Variants in EDDM3A observed in about 807,000 individuals in gnomAD.
EDDM3A encodes epididymal protein 3A, also known as epididymal secretory protein E3-alpha.
For missense variants in EDDM3A, 199 were observed against 177.4 expected, an observed-to-expected ratio of 1.12 and a Z score of -0.69; for synonymous variants, 75 against 60.4, an observed-to-expected ratio of 1.24 and a Z score of -1.12.
chr14:20,747,474 T>A, intron 1 of EDDM3A, 81 bp from the exon 2 acceptor site: 1 of 831,418 alleles, frequency 1.2e-6, no homozygotes, highest in Non-Finnish European at 1.9e-6. Flanking sequence ...AAGTACCTGC[T>A]TGGCAGGGAA....
At chr14:20,746,900 G>A (rs1877605403) in intron 1 of EDDM3A, among the ~76,000 whole-genome samples, 2 of 152,114 alleles carry the variant, frequency 1.3e-5, no homozygotes, top group Admixed American at 6.5e-5. Flanking sequence ...CGCTTAAAAT[G>A]TCATTTTTCT....
intron 1 of EDDM3A, among the ~76,000 whole-genome samples, chr14:20,747,280 G>A (rs1374070393): frequency 6.6e-6 from 1 of 151,944 alleles, no homozygotes; most frequent in Non-Finnish European, 1.5e-5. Flanking sequence ...TATTTTAGTA[G>A]AGATGGGGTT....
At position 20,747,845 on chromosome 14, in the gene EDDM3A, T is replaced by C; in HGVS notation, c.265T>C (p.Tyr89His). 6.2e-7 allele frequency: 1 copy of C among 1,614,160 alleles called. No individual in the cohort carries two copies. Among genetic ancestry groups the C allele is most frequent in the Non-Finnish European group, 8.5e-7 (1 of 1,180,032 alleles). The change falls in exon 2 of 2, where the codon TAT (tyrosine) becomes CAT (histidine). Residue 89 changes from tyrosine to histidine, a missense_variant. Transcript: ENST00000326842. ...ACINEKGSDR[Y>H]RNAYVWAPGA... Reference sequence around the variant, plus strand: ...CATCAATGAGAAGGGGAGCGACCGATATAGAAATGCATATGTATGGGCCCC... The same window carrying C: ...CATCAATGAGAAGGGGAGCGACCGACATAGAAATGCATATGTATGGGCCCC...
rs1042763 is a variant in EDDM3A at position 20,747,780 on chromosome 14, T to C, written c.200T>C (p.Met67Thr). ...GCTCTGAAAGGCAAGAGCTTTCATA[T>C]GTTCATCTATAGCTTATGGTTCAAA... ...KEALKGKSFH[M>T]FIYSLWFKIQ... The change falls in exon 2 of 2, where the codon ATG becomes ACG. Residue 67 changes from methionine to threonine, a missense_variant. Physicochemically the swap from Met to Thr is moderately conservative, Grantham distance 81. Transcript: ENST00000326842. 1 of 1,614,136 alleles carries C rather than the reference T, an allele frequency of 6.2e-7. No homozygotes were observed. The highest frequency in any genetic ancestry group is 8.5e-7 in the Non-Finnish European group (1 of 1,180,002).
At chr14:20,736,697 A>C in the EDDM3A span, among the ~76,000 whole-genome samples, 1 of 151,894 alleles carries the variant, frequency 6.6e-6, no homozygotes. Flanking sequence ...GGAGATGGGG[A>C]TTTCTTTTAT....
At position 20,747,785 on chromosome 14, in the gene EDDM3A, A is replaced by T. The variant is rs1230644603; in HGVS notation, c.205A>T (p.Ile69Phe). The change falls in exon 2 of 2, where the codon ATC (isoleucine) becomes TTC (phenylalanine). Residue 69 changes from isoleucine (I) to phenylalanine (F), a missense_variant. Physicochemically the swap from Ile to Phe is conservative, Grantham distance 21. Transcript: ENST00000326842. ...GAAAGGCAAGAGCTTTCATATGTTC[A>T]TCTATAGCTTATGGTTCAAAATTCA... ...ALKGKSFHMF[I>F]YSLWFKIQRA... 1 of 1,614,170 alleles carries T rather than the reference A, an allele frequency of 6.2e-7. No individual in the cohort carries two copies. Among genetic ancestry groups the T allele is most frequent in the East Asian group, 2.2e-5 (1 of 44,878 alleles).
At chr14:20,743,287 C>T (rs921125288), upstream of EDDM3A, among the ~76,000 whole-genome samples, 3 of 152,308 alleles carry the variant, frequency 2.0e-5, no homozygotes, top group South Asian at 2.1e-4. Context: ...CGGTGGCTCA[C>T]GCTTTTAATC....
the EDDM3A span, among the ~76,000 whole-genome samples, chr14:20,738,596 T>C: frequency 6.6e-6 from 1 of 152,144 alleles, no homozygotes; most frequent in South Asian, 2.1e-4. Context: ...CAAAATATAG[T>C]GTAAGGGAGG....
intron 1 of EDDM3A, 53 bp from the exon 2 acceptor site, chr14:20,747,502 G>A (rs1177670116): frequency 1.1e-5 from 13 of 1,167,686 alleles, no homozygotes; most frequent in African/African-American, 9.3e-5. Flanking sequence ...TTAAGGTGGA[G>A]CTCAGCTCTC....
At chr14:20,745,525 C>CAA (rs5807049), upstream of EDDM3A, among the ~76,000 whole-genome samples, 788 of 137,372 alleles carry the variant, frequency 5.7e-3, 5 homozygotes, top group African/African-American at 0.018. Context: ...GACTCCATCT[C>CAA]AAAAAAAAAA....
chr14:20,741,230 G>A (rs1375125745), upstream of EDDM3A, among the ~76,000 whole-genome samples: 2 of 152,196 alleles, frequency 1.3e-5, no homozygotes, highest in Non-Finnish European at 2.9e-5. Flanking sequence ...TTTCTGGACT[G>A]CATTTGGAAG....
chr14:20,738,483 A>AAATT, the EDDM3A span, among the ~76,000 whole-genome samples: 1 of 116,316 alleles, frequency 8.6e-6, no homozygotes, highest in Admixed American at 8.0e-5. Context: ...ATAAATAAAT[A>AAATT]AATAAATAAA....
chr14:20,736,658 G>A, the EDDM3A span, among the ~76,000 whole-genome samples: 1 of 152,070 alleles, frequency 6.6e-6, no homozygotes, highest in Non-Finnish European at 1.5e-5. Context: ...CATAACAAGT[G>A]CCCATCAACC....
the EDDM3A span, among the ~76,000 whole-genome samples, chr14:20,740,309 G>A: frequency 2.1e-4 from 32 of 152,216 alleles, no homozygotes; most frequent in African/African-American, 7.0e-4. Context: ...ATTTGTCCAT[G>A]GTTCGATACT....
the EDDM3A span, among the ~76,000 whole-genome samples, chr14:20,738,334 G>A: frequency 0.042 from 6,390 of 152,140 alleles, 190 homozygotes; most frequent in Middle Eastern, 0.092. Context: ...AGCCGGGCGT[G>A]GCGACATGTG....
rs186678774 is a variant in EDDM3A, at chr14:20,747,733, T to C, written c.153T>C (p.Asp51=). The C allele has an allele frequency of 1.2e-6, 2 of 1,614,184 alleles. No homozygotes were observed. The highest frequency in any genetic ancestry group is 2.7e-5 in the African/African-American group (2 of 75,040). ...PSREFKEYKC[D]VLMREKEALK... ...GAGAATTCAAAGAGTACAAATGTGA[T>C]GTCCTCATGAGAGAAAAAGAGGCTC... is the stretch of plus-strand genomic sequence containing the variant. The change falls in exon 2 of 2, where the codon GAT becomes GAC. Residue 51 remains aspartate, a synonymous_variant. Transcript: ENST00000326842.
chr14:20,736,846 G>C, the EDDM3A span, among the ~76,000 whole-genome samples: 1 of 152,022 alleles, frequency 6.6e-6, no homozygotes, highest in Non-Finnish European at 1.5e-5. Flanking sequence ...TAGTAGCTGG[G>C]ATTATAGGCG....
chr14:20,740,403 C>G, the EDDM3A span, among the ~76,000 whole-genome samples: 6 of 152,210 alleles, frequency 3.9e-5, 1 homozygote, highest in East Asian at 5.8e-4. Flanking sequence ...TCAGCTCAGG[C>G]TCACTTGCAG....
chr14:20,743,422 C>T (rs911915581), upstream of EDDM3A, among the ~76,000 whole-genome samples: 2 of 152,098 alleles, frequency 1.3e-5, no homozygotes, highest in Admixed American at 6.5e-5. Flanking sequence ...TGTTGGTGCG[C>T]ACCTGTACTC....
Sources: allele counts gnomAD v4.1 joint callset (sites outside exome capture counted in the v4.1 genomes callset), GRCh38; gene constraint gnomAD v4.1.1; transcripts MANE v1.5; gene names NCBI Gene and HGNC (gene_info 2026-07-23, HGNC 2026-07-21).